Variants in FAM78B observed in about 807,000 individuals in gnomAD.
The protein encoded by FAM78B is family with sequence similarity 78 member B.
FAM78B carries 10 observed loss-of-function variants against 20.0 expected under a neutral mutation model. The ratio of observed to expected loss-of-function variants is 0.50; its 90% CI spans 0.31 to 0.85. The LOEUF (loss-of-function observed/expected upper bound fraction) is 0.85, where lower values mean the gene tolerates loss of function less well. Ranked by LOEUF, FAM78B falls within the 40% of genes least tolerant of loss-of-function variation. The pLI is 0.05. For missense variants in FAM78B, 283 were observed against 345.0 expected (o/e 0.82, Z 1.42); for synonymous variants, 135 against 132.8 (o/e 1.02, Z -0.12).
At chr1:166,089,701 AAGAG>A (rs372600313) in intron 1 of FAM78B, among the ~76,000 whole-genome samples, 171 of 152,216 alleles carry the variant, frequency 1.1e-3, no homozygotes, top group African/African-American at 3.8e-3. Flanking sequence ...GCAAGGAAAT[AAGAG>A]AGAGCTCTGG....
downstream of FAM78B, among the ~76,000 whole-genome samples, chr1:166,064,421 A>AACT (rs1651723302): frequency 6.6e-6 from 1 of 152,100 alleles, no homozygotes; most frequent in African/African-American, 2.4e-5. Context: ...TCTAGGTTTA[A>AACT]ACTAGGCAAA....
intron 1 of FAM78B, among the ~76,000 whole-genome samples, chr1:166,080,399 A>C (rs1418622631): frequency 6.6e-6 from 1 of 152,190 alleles, no homozygotes; most frequent in Non-Finnish European, 1.5e-5. Flanking sequence ...ACAGCAGGGG[A>C]TCTCCAAGAC....
rs142907369 is a variant in FAM78B at position 166,146,029 on chromosome 1, T to C, written c.263+19957A>G. 5.9e-5 allele frequency among the ~76,000 whole-genome samples: 9 copies of C among 152,320 alleles called. No homozygotes were observed. The East Asian group carries it at 1.4e-3, about 23-fold the overall frequency. On this transcript the variant is annotated intron_variant, in intron 1 of 1. Coordinates refer to ENST00000354422, the MANE Select transcript of FAM78B (RefSeq NM_001017961.5). ...GAGAGATGATAGCTTCTCTGCTTCCTCTCACAGCTACTGTGAGGAGCAAAA... is the reference window on the plus strand; with the variant it reads ...GAGAGATGATAGCTTCTCTGCTTCCCCTCACAGCTACTGTGAGGAGCAAAA...
chr1:166,102,985 G>T (rs893418372), intron 1 of FAM78B, among the ~76,000 whole-genome samples: 3 of 152,174 alleles, frequency 2.0e-5, no homozygotes, highest in Non-Finnish European at 4.4e-5. Flanking sequence ...AAATGTAAAA[G>T]AAAAGAAATT....
At position 166,070,275 on chromosome 1, in the gene FAM78B, C is replaced by T. The variant is rs138713518; in HGVS notation, c.752G>A (p.Arg251Gln). 159 of 1,556,678 alleles carry T rather than the reference C, an allele frequency of 1.0e-4. No homozygotes were observed. In the African/African-American group the frequency reaches 1.1e-3, roughly 11 times the overall value. ...AGGGATCACAACCAGAGGTGGCCCC[C>T]GCTTGGGCCTCCACATGAGGACCTG... ...DAQVLMWRPK[R>Q]GPPLVVIPPK Residue 251 changes from arginine to glutamine, a missense_variant, in exon 2 of 2, where the codon CGG becomes CAG. Transcript: ENST00000354422.
intron 1 of FAM78B, among the ~76,000 whole-genome samples, chr1:166,080,520 C>T (rs148421066): frequency 1.8e-3 from 281 of 152,316 alleles, no homozygotes; most frequent in African/African-American, 6.4e-3. Flanking sequence ...GTGGTCTAAC[C>T]GCTATGTTCA....
chr1:166,132,912 AATG>A (rs1347498213), intron 1 of FAM78B, among the ~76,000 whole-genome samples: 6 of 152,344 alleles, frequency 3.9e-5, no homozygotes, highest in Admixed American at 3.9e-4. Context: ...CCATGATTAA[AATG>A]ATAAGGGCAG....
intron 1 of FAM78B, among the ~76,000 whole-genome samples, chr1:166,109,854 A>ATG (rs58635805): frequency 0.027 from 427 of 15,626 alleles, 47 homozygotes; most frequent in Non-Finnish European, 0.055. Context: ...ATATATATAT[A>ATG]TATATATGTA....
chr1:166,104,643 AC>A (rs1653688143), intron 1 of FAM78B, among the ~76,000 whole-genome samples: 1 of 152,228 alleles, frequency 6.6e-6, no homozygotes, highest in African/African-American at 2.4e-5. Context: ...AATCCAACTT[AC>A]AAGGGACGTG....
At chr1:166,122,563 C>T (rs1425913369) in intron 1 of FAM78B, among the ~76,000 whole-genome samples, 1 of 152,192 alleles carries the variant, frequency 6.6e-6, no homozygotes, top group African/African-American at 2.4e-5. Context: ...ACAACCTACT[C>T]ACAAATGCTT....
chr1:166,068,590 A>G (rs1193251819), downstream of FAM78B, among the ~76,000 whole-genome samples: 1 of 152,158 alleles, frequency 6.6e-6, no homozygotes, highest in Non-Finnish European at 1.5e-5. Flanking sequence ...AAAGTAATAA[A>G]CCCTGCTGCT....
intron 1 of FAM78B, among the ~76,000 whole-genome samples, chr1:166,088,510 T>C (rs886066183): frequency 3.3e-5 from 5 of 152,220 alleles, no homozygotes; most frequent in African/African-American, 7.2e-5. Context: ...AAGGCTCTCC[T>C]AGGCCTCAGT....
chr1:166,129,181 C>T (rs1654776811), intron 1 of FAM78B, among the ~76,000 whole-genome samples: 1 of 152,146 alleles, frequency 6.6e-6, no homozygotes, highest in South Asian at 2.1e-4. Context: ...GCTGTGGGCG[C>T]ACTCCTGTGT....
chr1:166,112,729 T>C (rs1250063321), intron 1 of FAM78B, among the ~76,000 whole-genome samples: 1 of 152,164 alleles, frequency 6.6e-6, no homozygotes, highest in Non-Finnish European at 1.5e-5. Context: ...AAGGCTATGG[T>C]CCACCTAGGA....
At chr1:166,109,324 C>T (rs1045846989) in intron 1 of FAM78B, among the ~76,000 whole-genome samples, 3 of 151,958 alleles carry the variant, frequency 2.0e-5, no homozygotes, top group African/African-American at 7.2e-5. Flanking sequence ...AAAAAACAAA[C>T]AATCCAATCA....
rs917622997 is a variant in FAM78B, at chr1:166,069,465, C to A, written c.*776G>T. The A allele has an allele frequency of 6.6e-6, 1 of 152,022 alleles. No individual in the cohort carries two copies. The highest frequency in any genetic ancestry group is 1.5e-5 in the Non-Finnish European group (1 of 68,010). 9.4% of individuals were successfully genotyped at this position (152,022 alleles called of 1,614,324 possible). ...TTTCACTAAAACATGGACAGGGCCC[C>A]AAATATCATAACTATTGCAGAATGT... On this transcript the variant is annotated 3_prime_UTR_variant, in exon 2 of 2. Transcript: ENST00000354422.
At chr1:166,126,527 A>G (rs1434675104) in intron 1 of FAM78B, among the ~76,000 whole-genome samples, 1 of 152,028 alleles carries the variant, frequency 6.6e-6, no homozygotes, top group Non-Finnish European at 1.5e-5. Context: ...CAAAAATTTG[A>G]TGGAGGTGAG....
intron 1 of FAM78B, among the ~76,000 whole-genome samples, chr1:166,157,036 A>C (rs138703070): frequency 0.042 from 40 of 946 alleles, 5 homozygotes; most frequent in Admixed American, 0.36. Flanking sequence ...GGGGCGGCGG[A>C]GGGGGGGGGG....
chr1:166,077,670 T>C (rs905267041), intron 1 of FAM78B, among the ~76,000 whole-genome samples: 2 of 141,734 alleles, frequency 1.4e-5, no homozygotes, highest in Non-Finnish European at 3.0e-5. Context: ...TAAATACATA[T>C]AATTATATAT....
Sources: allele counts gnomAD v4.1 joint callset (sites outside exome capture counted in the v4.1 genomes callset), GRCh38; gene constraint gnomAD v4.1.1; transcripts MANE v1.5; gene names NCBI Gene and HGNC (gene_info 2026-07-23, HGNC 2026-07-21).